The following LIFR variants were observed in gnomAD, a reference collection of about 807,000 sequenced individuals.
LIFR encodes the protein LIF receptor subunit alpha, also known as leukemia inhibitory factor receptor.
Under a neutral mutation model 122.2 loss-of-function variants are expected in LIFR, and 84 were observed. That is an observed-to-expected ratio of 0.69 (90% CI 0.58 to 0.82). The LOEUF is 0.82. Among genes scored for constraint, LIFR ranks in the 40% least tolerant of loss-of-function variants. The pLI is 0.00. For missense variants in LIFR, 1,294 were observed against 1,311.6 expected, an observed-to-expected ratio of 0.99 and a Z score of 0.21; for synonymous variants, 422 against 434.7, an observed-to-expected ratio of 0.97 and a Z score of 0.36.
intron 4 of LIFR, among the ~76,000 whole-genome samples, chr5:38,525,354 C>G (rs913227889): frequency 1.3e-5 from 2 of 152,160 alleles, no homozygotes; most frequent in African/African-American, 4.8e-5. Context: ...TCATTTCTAT[C>G]CTAGAAGCTC....
Position 38,489,263 on chromosome 5 carries a change from C to CA in LIFR, c.2168-19dup. ...AATGGGAGCTGTAAAAGGAAAAAGT[C>CA]AATTGCTAAAGGGGAGTGTATGAAT... On this transcript the variant is annotated intron_variant, in intron 15 of 19. Transcript: ENST00000453190. The CA allele has an allele frequency of 6.2e-7, 1 of 1,602,212 alleles. No individual in the cohort carries two copies. Among genetic ancestry groups the CA allele is most frequent in the Non-Finnish European group, 8.5e-7 (1 of 1,171,556 alleles).
At chr5:38,520,543 A>G (rs1746345632) in intron 5 of LIFR, among the ~76,000 whole-genome samples, 1 of 151,872 alleles carries the variant, frequency 6.6e-6, no homozygotes, top group African/African-American at 2.4e-5. Context: ...GTCCTATAGT[A>G]TTTTCCCCAT....
In LIFR at chr5:38,479,641, G is replaced by A. The variant is rs1374526325; in HGVS notation, c.*1954C>T. 2 of 230,166 alleles carry A rather than the reference G, an allele frequency of 8.7e-6. No homozygotes were observed. Among genetic ancestry groups the A allele is most frequent in the East Asian group, 1.2e-4 (2 of 16,258 alleles). 14.3% of individuals were successfully genotyped at this position (230,166 alleles called of 1,614,324 possible). A position where few individuals can be genotyped will look rare whatever the true frequency, so the allele number is the denominator to read the frequency against. ...TCCTGGAGAGATAAAGTACGGGATT[G>A]ATACATTTCAACAGGGAACAAGGCA... is the stretch of plus-strand genomic sequence containing the variant. On this transcript the variant is annotated 3_prime_UTR_variant, in exon 20 of 20. Transcript: ENST00000453190.
At position 38,515,915 on chromosome 5, in the gene LIFR, AATT is replaced by A. The variant is rs557826835; in HGVS notation, c.562-3954_562-3952del. On this transcript the variant is annotated intron_variant, in intron 5 of 19. Coordinates refer to ENST00000453190, the MANE Select transcript of LIFR (RefSeq NM_001127671.2). ...GAATGCAAAGTGTTCTTGATTTTTA[AATT>A]ATTATAAAATAATAGCATTAGTGCA... Among the ~76,000 whole-genome samples, 6 of 152,296 alleles carry A rather than the reference AATT, an allele frequency of 3.9e-5. No individual in the cohort carries two copies. The East Asian group carries it at 7.7e-4, about 20-fold the overall frequency.
chr5:38,588,325 C>G (rs1375947908), intron 1 of LIFR, among the ~76,000 whole-genome samples: 1 of 152,044 alleles, frequency 6.6e-6, no homozygotes, highest in African/African-American at 2.4e-5. Context: ...TGATCAGGTG[C>G]TCAGTCTGAA....
At position 38,527,287 on chromosome 5, in the gene LIFR, A is replaced by C. The variant is rs1350834749; in HGVS notation, c.265T>G (p.Ser89Ala). The change falls in exon 4 of 20, where the codon TCT becomes GCT. Residue 89 changes from serine to alanine, a missense_variant. Physicochemically the swap from Ser to Ala is moderately conservative, Grantham distance 99. Coordinates refer to ENST00000453190, the MANE Select transcript of LIFR (RefSeq NM_001127671.2). ...YEVCIENRSRSCYQLEKTSIK... is the reference protein window; with the variant it reads ...YEVCIENRSRACYQLEKTSIK... ...CTGGTTTTCTCCAACTGATAACAAGAACGGGACCTGTAATAAGAAATTGAA... is the reference window on the plus strand; with the variant it reads ...CTGGTTTTCTCCAACTGATAACAAGCACGGGACCTGTAATAAGAAATTGAA... The C allele has an allele frequency of 6.3e-7, 1 of 1,575,786 alleles. No homozygotes were observed. The highest frequency in any genetic ancestry group is 8.7e-7 in the Non-Finnish European group (1 of 1,146,440).
At chr5:38,551,679 T>A (rs1467607444) in intron 1 of LIFR, among the ~76,000 whole-genome samples, 3 of 152,218 alleles carry the variant, frequency 2.0e-5, no homozygotes, top group Admixed American at 2.0e-4. Context: ...ATGATTCCAA[T>A]TCTTTCTCTG....
At chr5:38,568,706 C>T (rs912761709) in intron 1 of LIFR, among the ~76,000 whole-genome samples, 13 of 152,142 alleles carry the variant, frequency 8.5e-5, no homozygotes, top group Admixed American at 5.2e-4. Context: ...TTGCTACATT[C>T]GTGCATACAT....
At chr5:38,604,194 G>A (rs1417330638) in intron 2 of LIFR, among the ~76,000 whole-genome samples, 2 of 152,178 alleles carry the variant, frequency 1.3e-5, no homozygotes, top group East Asian at 3.9e-4. Context: ...GGCTGAGGCT[G>A]AGCTGGGCAG....
At chr5:38,598,249 T>A (rs1326705820), upstream of LIFR, among the ~76,000 whole-genome samples, 725 of 64,636 alleles carry the variant, frequency 0.011, 7 homozygotes, top group African/African-American at 0.05. Context: ...TTATTTATTT[T>A]TTTTTTTTTT....
At chr5:38,573,223 A>T (rs1421691805) in intron 1 of LIFR, among the ~76,000 whole-genome samples, 1 of 152,228 alleles carries the variant, frequency 6.6e-6, no homozygotes, top group African/African-American at 2.4e-5. Flanking sequence ...TGGAAGCTAG[A>T]AGTAGCCATT....
intron 1 of LIFR, among the ~76,000 whole-genome samples, chr5:38,592,704 A>G (rs914864384): frequency 1.3e-5 from 2 of 151,438 alleles, no homozygotes; most frequent in African/African-American, 4.9e-5. Flanking sequence ...ATATGTGCAC[A>G]TTTTTTCTAT....
chr5:38,604,790 C>T (rs970591539), intron 2 of LIFR, among the ~76,000 whole-genome samples: 1 of 152,010 alleles, frequency 6.6e-6, no homozygotes, highest in East Asian at 1.9e-4. Context: ...ACAACATGTG[C>T]GTAAGGTGGT....
intron 11 of LIFR, among the ~76,000 whole-genome samples, chr5:38,501,692 G>A (rs1196745775): frequency 6.6e-6 from 1 of 151,962 alleles, no homozygotes; most frequent in Non-Finnish European, 1.5e-5. Flanking sequence ...AGTGAGCCGA[G>A]ATCGCGCCAT....
At chr5:38,542,143 T>C (rs1747623820) in intron 1 of LIFR, among the ~76,000 whole-genome samples, 1 of 152,190 alleles carries the variant, frequency 6.6e-6, no homozygotes, top group South Asian at 2.1e-4. Context: ...TCATCATAAA[T>C]TCTTGCTCAA....
intron 16 of LIFR, 61 bp from the exon 17 acceptor site, chr5:38,486,041 C>A: frequency 6.8e-7 from 1 of 1,473,350 alleles, no homozygotes; most frequent in East Asian, 2.3e-5. Flanking sequence ...GCATGGTTAC[C>A]CACACCTGTC....
chr5:38,556,981 C>A (rs1223501767), upstream of LIFR: 2 of 152,164 alleles, frequency 1.3e-5, no homozygotes, highest in Admixed American at 6.5e-5. Flanking sequence ...CGGGGAGGAC[C>A]GCGCCTCCCC....
intron 1 of LIFR, among the ~76,000 whole-genome samples, chr5:38,545,717 C>T (rs1026429758): frequency 4.0e-5 from 6 of 151,454 alleles, no homozygotes; most frequent in Admixed American, 1.3e-4. Context: ...AAAAAATTCG[C>T]GGGGCATGGT....
chr5:38,579,848 A>G (rs1270036177), intron 1 of LIFR, among the ~76,000 whole-genome samples: 1 of 152,166 alleles, frequency 6.6e-6, no homozygotes, highest in Non-Finnish European at 1.5e-5. Flanking sequence ...AAACCTGGGG[A>G]ATTCTATGCA....
Sources: gnomAD v4.1 joint callset for allele counts (sites outside exome capture counted in the v4.1 genomes callset) on GRCh38, gnomAD v4.1.1 for gene constraint, MANE v1.5 for transcripts, NCBI Gene and HGNC (gene_info 2026-07-23, HGNC 2026-07-21) for gene names.